The following IWS1 variants were observed in gnomAD, a reference collection of about 807,000 sequenced individuals.
IWS1 encodes the protein interacts with SUPT6H, CTD assembly factor 1.
A neutral mutation model predicts 86.7 loss-of-function variants in IWS1; 27 were observed. The observed-to-expected ratio is 0.31, with a 90% CI of 0.23 to 0.43. IWS1 has a LOEUF of 0.43. Among genes scored for constraint, IWS1 ranks in the 20% least tolerant of loss-of-function variants. IWS1 has a pLI of 1.00. For missense variants in IWS1, 827 were observed against 1,000.8 expected (o/e 0.83, Z 2.34); for synonymous variants, 313 against 335.1 (o/e 0.93, Z 0.72).
At chr2:127,483,602 G>A (rs1316104021) in intron 13 of IWS1, among the ~76,000 whole-genome samples, 1 of 9,388 alleles carries the variant, frequency 1.1e-4, no homozygotes, top group African/African-American at 1.7e-4. Flanking sequence ...GGGGGGGTTG[G>A]GCTGTGTGTG....
chr2:127,526,649 A>G (rs550075085), upstream of IWS1: 1 of 1,325,354 alleles, frequency 7.5e-7, no homozygotes, highest in African/African-American at 1.5e-5. Flanking sequence ...CCTCGGGTGG[A>G]TCCTGGTCTG....
At chr2:127,520,735 GCTTT>G (rs1462443761) in intron 2 of IWS1, among the ~76,000 whole-genome samples, 1 of 152,114 alleles carries the variant, frequency 6.6e-6, no homozygotes, top group Non-Finnish European at 1.5e-5. Context: ...TCTCCTGGCA[GCTTT>G]CTAAGGAAAC....
rs1218857776 is a variant in IWS1, at chr2:127,492,105, C to G, written c.1930-17G>C. ...ACTAGGCAGCTGGGGAACATAAACA[C>G]ATACACACATATTAATCACTCGGAA... On this transcript the variant is annotated splice_polypyrimidine_tract_variant and intron_variant, in intron 9 of 13. Transcript: ENST00000295321. 1 of 1,494,278 alleles carries G rather than the reference C, an allele frequency of 6.7e-7. No individual in the cohort carries two copies. The highest frequency in any genetic ancestry group is 1.7e-5 in the Admixed American group (1 of 59,778). The allele number at this position is 1,494,278 out of a possible 1,614,324, so 92.6% of individuals were successfully genotyped here.
In IWS1 at chr2:127,480,919, T is replaced by A; in HGVS notation, c.*125A>T. 1 of 1,040,612 alleles carries A rather than the reference T, an allele frequency of 9.6e-7. No individual in the cohort carries two copies. Among genetic ancestry groups the A allele is most frequent in the Non-Finnish European group, 1.4e-6 (1 of 724,980 alleles). The allele number at this position is 1,040,612 out of a possible 1,614,324, so 64.5% of individuals were successfully genotyped here. A position where few individuals can be genotyped will look rare whatever the true frequency, so the allele number is the denominator to read the frequency against. Reference sequence around the variant, plus strand: ...ATAACTGAGAGAAATGTGAGTCCTATGACAACATCTGATACACGCTGAACC... The same window carrying A: ...ATAACTGAGAGAAATGTGAGTCCTAAGACAACATCTGATACACGCTGAACC... On this transcript the variant is annotated 3_prime_UTR_variant, in exon 14 of 14. Coordinates refer to ENST00000295321, the MANE Select transcript of IWS1 (RefSeq NM_017969.3).
intron 2 of IWS1, among the ~76,000 whole-genome samples, chr2:127,519,707 G>T (rs1691981796): frequency 6.6e-6 from 1 of 152,074 alleles, no homozygotes. Context: ...TACATGCAAG[G>T]GACTGTGCAA....
chr2:127,504,726 T>C lies in IWS1; in HGVS notation c.1177A>G (p.Lys393Glu), dbSNP rs1226772582. 6.2e-7 allele frequency: 1 copy of C among 1,612,124 alleles called. No homozygotes were observed. The highest frequency in any genetic ancestry group is 8.5e-7 in the Non-Finnish European group (1 of 1,179,250). The stretch of plus-strand genomic sequence containing the variant: ...TCACTATCAGAAAGCACAGCAGCTT[T>C]TCTCTTCGCTACTTTCTCCTCCTCA... ...EGEEEKVAKR[K>E]AAVLSDSEDE... is the part of the protein sequence containing the mutation. The change falls in exon 3 of 14, where the codon AAA (lysine) becomes GAA (glutamate). Residue 393 changes from lysine to glutamate, a missense_variant. Lys to Glu is a moderately conservative substitution (Grantham distance 56). Transcript: ENST00000295321.
rs866347529 is a variant in IWS1 at position 127,489,960 on chromosome 2, A to G, written c.2048-17T>C. The G allele has an allele frequency of 6.5e-6, 9 of 1,378,810 alleles. 1 individual carries two copies. The Middle Eastern group carries it at 1.6e-3, about 245-fold the overall frequency. The allele number at this position is 1,378,810 out of a possible 1,614,324, so 85.4% of individuals were successfully genotyped here. On this transcript the variant is annotated splice_polypyrimidine_tract_variant and intron_variant, in intron 10 of 13. Transcript: ENST00000295321. The surrounding 1 kb of genome is among the most constrained non-coding windows in gnomAD (Gnocchi z 4.8). The stretch of plus-strand genomic sequence containing the variant: ...ACCACTCATCTGTAGTAAGAAAAAA[A>G]TCAATTATTTTGTCCATAAAATTGC...
At chr2:127,496,745 A>C (rs547890014) in intron 6 of IWS1, among the ~76,000 whole-genome samples, 1 of 152,000 alleles carries the variant, frequency 6.6e-6, no homozygotes, top group South Asian at 2.1e-4. Flanking sequence ...TAATTTTTTA[A>C]ATGTTTTGTA....
intron 2 of IWS1, among the ~76,000 whole-genome samples, chr2:127,519,991 G>A (rs1474326218): frequency 5.9e-5 from 9 of 152,164 alleles, no homozygotes; most frequent in African/African-American, 2.2e-4. Flanking sequence ...GAAGAACACA[G>A]CCCTGGGACA....
At chr2:127,513,984 C>T (rs1418933608) in intron 2 of IWS1, among the ~76,000 whole-genome samples, 1 of 152,196 alleles carries the variant, frequency 6.6e-6, no homozygotes, top group African/African-American at 2.4e-5. Flanking sequence ...ACAGCTTAAA[C>T]CCTGAAAACT....
chr2:127,486,690 GCTT>G (rs1689948472), intron 12 of IWS1, 26 bp from the exon 13 acceptor site: 2 of 1,574,046 alleles, frequency 1.3e-6, no homozygotes, highest in Non-Finnish European at 1.7e-6. Flanking sequence ...GGAAGAGCAT[GCTT>G]CTTATGTGGC....
At chr2:127,519,873 T>C (rs987480090) in intron 2 of IWS1, among the ~76,000 whole-genome samples, 2 of 152,134 alleles carry the variant, frequency 1.3e-5, no homozygotes. Flanking sequence ...AAATGAGTTG[T>C]GAAGATGCTA....
At chr2:127,486,415 G>A (rs1689934091) in intron 13 of IWS1, 138 bp downstream of exon 13, 1 of 624,152 alleles carries the variant, frequency 1.6e-6, no homozygotes, top group Non-Finnish European at 2.9e-6. Flanking sequence ...TTGTGGTTTG[G>A]CTAGATAAGC....
Position 127,498,059 on chromosome 2 carries a change from A to T in IWS1, c.1565+81T>A, listed in dbSNP as rs183076483. On this transcript the variant is annotated intron_variant, in intron 6 of 13. Transcript: ENST00000295321. The stretch of plus-strand genomic sequence containing the variant: ...CTCCTAAACTTAATCAGGAACCAAA[A>T]TGAAAAACAAAAGAGAGTTTAATAG... 322 of 1,125,522 alleles carry T rather than the reference A, an allele frequency of 2.9e-4. 4 individuals carry two copies. The East Asian group carries it at 7.2e-3, about 25-fold the overall frequency. The allele number at this position is 1,125,522 out of a possible 1,614,324, so 69.7% of individuals were successfully genotyped here. A position where few individuals can be genotyped will look rare whatever the true frequency, so the allele number is the denominator to read the frequency against.
intron 7 of IWS1, 32 bp from the exon 8 acceptor site, chr2:127,494,986 A>T (rs748785097): frequency 6.1e-4 from 811 of 1,330,820 alleles, no homozygotes; most frequent in Non-Finnish European, 7.4e-4. Flanking sequence ...ATTTTTTTTT[A>T]AAACAGTACT....
At chr2:127,481,545 T>C (rs1419066935) in intron 13 of IWS1, among the ~76,000 whole-genome samples, 2 of 152,174 alleles carry the variant, frequency 1.3e-5, no homozygotes, top group African/African-American at 2.4e-5. Context: ...AGCTAGCCGC[T>C]TGACATGCAC....
At chr2:127,513,456 G>T (rs1445902358) in intron 2 of IWS1, among the ~76,000 whole-genome samples, 3 of 151,862 alleles carry the variant, frequency 2.0e-5, no homozygotes, top group African/African-American at 7.3e-5. Context: ...TCAAATTTAA[G>T]AAACTATCTT....
rs397718564 is a variant in IWS1, at chr2:127,499,095, CTT to C, written c.1468-860_1468-859del. Among the ~76,000 whole-genome samples the C allele has an allele frequency of 3.5e-5, 5 of 143,768 alleles. No homozygotes were observed. Among genetic ancestry groups the C allele is most frequent in the Admixed American group, 6.9e-5 (1 of 14,496 alleles). 94.3% of individuals were successfully genotyped at this position (143,768 alleles called of 152,430 possible). ...TTTGCCAGGCATAATTTTTCTTTTTCTTTTTTTTTTTTTGAGACGGAGTCTCA... is the reference window on the plus strand; with the variant it reads ...TTTGCCAGGCATAATTTTTCTTTTTCTTTTTTTTTTTGAGACGGAGTCTCA... On this transcript the variant is annotated intron_variant, in intron 5 of 13. Transcript: ENST00000295321. The surrounding 1 kb of genome is among the most constrained non-coding windows in gnomAD (Gnocchi z 4.0).
At chr2:127,484,069 C>T (rs775629945) in intron 13 of IWS1, among the ~76,000 whole-genome samples, 8 of 152,044 alleles carry the variant, frequency 5.3e-5, no homozygotes, top group East Asian at 1.9e-4. Flanking sequence ...TTTGGGAGGC[C>T]GAGGCGGGCA....
Sources: allele counts gnomAD v4.1 joint callset (sites outside exome capture counted in the v4.1 genomes callset), GRCh38; gene constraint gnomAD v4.1.1; non-coding constraint Gnocchi (gnomAD v3.1); transcripts MANE v1.5; gene names NCBI Gene and HGNC (gene_info 2026-07-23, HGNC 2026-07-21).